SCHIP1: variants seen among roughly 807,000 people sequenced by gnomAD.
SCHIP1 encodes schwannomin interacting protein 1, also known as schwannomin-interacting protein 1.
Under a neutral mutation model 29.7 loss-of-function variants are expected in SCHIP1, and 8 were observed. That is an observed-to-expected ratio of 0.27 (90% confidence interval 0.16 to 0.49). The LOEUF is 0.49. SCHIP1 is among the 20% of genes least tolerant of loss of function. The probability of loss-of-function intolerance (pLI) is 0.99; values close to 1 mark genes in which losing one functional copy is unlikely to be tolerated. For missense variants in SCHIP1, 193 were observed against 294.6 expected, an observed-to-expected ratio of 0.66 and a Z score of 2.52; for synonymous variants, 76 against 94.9, an observed-to-expected ratio of 0.80 and a Z score of 1.16.
At chr3:159,677,178 T>C in the SCHIP1 span, among the ~76,000 whole-genome samples, 1 of 152,154 alleles carries the variant, frequency 6.6e-6, no homozygotes, top group Non-Finnish European at 1.5e-5. Context: ...CCCAATACCC[T>C]AGAATTCCCT....
chr3:159,857,063 T>C (rs1713466201), intron 1 of SCHIP1, among the ~76,000 whole-genome samples: 1 of 152,160 alleles, frequency 6.6e-6, no homozygotes, highest in Non-Finnish European at 1.5e-5. Flanking sequence ...AAAAATCTCT[T>C]CCGCTTTGTG....
chr3:159,426,992 T>C, the SCHIP1 span, among the ~76,000 whole-genome samples: 1 of 152,224 alleles, frequency 6.6e-6, no homozygotes, highest in Non-Finnish European at 1.5e-5. Flanking sequence ...CAATGCTTCA[T>C]GCTAAAAACT....
intron 2 of SCHIP1, among the ~76,000 whole-genome samples, chr3:159,879,109 A>G (rs1716181931): frequency 6.6e-6 from 1 of 151,994 alleles, no homozygotes; most frequent in Non-Finnish European, 1.5e-5. Context: ...ATCTAATGTA[A>G]TAATATTGGA....
At chr3:159,525,786 G>A in the SCHIP1 span, among the ~76,000 whole-genome samples, 5 of 152,198 alleles carry the variant, frequency 3.3e-5, no homozygotes, top group Non-Finnish European at 2.9e-5. Flanking sequence ...TGGGCAGGCC[G>A]AGGGGGAGGC....
chr3:159,657,401 G>C, the SCHIP1 span, among the ~76,000 whole-genome samples: 1 of 152,198 alleles, frequency 6.6e-6, no homozygotes. Context: ...ATTAGATGGT[G>C]ATAATGTACA....
intron 6 of SCHIP1, chr3:159,894,209 C>A (rs1056500251): frequency 5.9e-5 from 9 of 152,200 alleles, no homozygotes; most frequent in South Asian, 2.1e-4. Context: ...TGAGATAATT[C>A]TCACGCACAG....
the SCHIP1 span, among the ~76,000 whole-genome samples, chr3:159,600,989 A>T: frequency 2.0e-5 from 3 of 152,304 alleles, no homozygotes; most frequent in African/African-American, 7.2e-5. Context: ...GCTATTAGTG[A>T]TGAAGTTGTG....
At chr3:159,869,018 T>C (rs538863972) in intron 2 of SCHIP1, among the ~76,000 whole-genome samples, 71 of 152,064 alleles carry the variant, frequency 4.7e-4, no homozygotes, top group Non-Finnish European at 9.6e-4. Flanking sequence ...ATTTTTATTG[T>C]GTATATTAGC....
the SCHIP1 span, among the ~76,000 whole-genome samples, chr3:159,824,102 T>C: frequency 6.6e-6 from 1 of 152,244 alleles, no homozygotes; most frequent in Non-Finnish European, 1.5e-5. Context: ...AATCTTATTT[T>C]TTCAGCATGA....
the SCHIP1 span, chr3:159,273,796 T>G: frequency 6.2e-7 from 1 of 1,612,398 alleles, no homozygotes; most frequent in Non-Finnish European, 8.5e-7. Context: ...CCCTCTCAAA[T>G]GGGCAAGAGT....
the SCHIP1 span, among the ~76,000 whole-genome samples, chr3:159,697,913 T>C: frequency 6.6e-6 from 1 of 152,252 alleles, no homozygotes; most frequent in Admixed American, 6.5e-5. Context: ...CAATTAAAAT[T>C]TGATATATGT....
At chr3:159,516,927 G>A in the SCHIP1 span, among the ~76,000 whole-genome samples, 3 of 152,158 alleles carry the variant, frequency 2.0e-5, no homozygotes, top group Admixed American at 6.5e-5. Flanking sequence ...GGAACTGCAC[G>A]AGATAATCCA....
the SCHIP1 span, among the ~76,000 whole-genome samples, chr3:159,776,332 C>CTTTTTTTTTTTTTTTTTTTTTTTTTTT: frequency 7.4e-6 from 1 of 135,424 alleles, no homozygotes; most frequent in African/African-American, 2.9e-5. Context: ...AGTGTTCTGT[C>CTTTTTTTTTTTTTTTTTTTTTTTTTTT]TTTTTTTTTT....
the SCHIP1 span, among the ~76,000 whole-genome samples, chr3:159,568,132 T>G: frequency 6.6e-6 from 1 of 152,050 alleles, no homozygotes; most frequent in South Asian, 2.1e-4. Flanking sequence ...AGGAATTCAA[T>G]TTTTTATATT....
chr3:159,726,368 A>AT, the SCHIP1 span, among the ~76,000 whole-genome samples: 1 of 152,116 alleles, frequency 6.6e-6, no homozygotes, highest in East Asian at 1.9e-4. Context: ...GAAATGTTGC[A>AT]TTTTTTGGCA....
chr3:159,477,923 T>TTC, the SCHIP1 span, among the ~76,000 whole-genome samples: 217 of 128,288 alleles, frequency 1.7e-3, 1 homozygote, highest in South Asian at 9.4e-3. Context: ...TTTAAATCTT[T>TTC]TTTTTTTTTT....
the SCHIP1 span, among the ~76,000 whole-genome samples, chr3:159,640,005 C>T: frequency 6.6e-6 from 1 of 152,040 alleles, no homozygotes; most frequent in African/African-American, 2.4e-5. Flanking sequence ...TGATTTGTAT[C>T]TTTTTTTCCC....
At chr3:159,279,888 TA>T in the SCHIP1 span, among the ~76,000 whole-genome samples, 9 of 152,154 alleles carry the variant, frequency 5.9e-5, no homozygotes, top group African/African-American at 2.2e-4. Flanking sequence ...TTGGCCTCAG[TA>T]CATTGGATGC....
At chr3:159,360,793 T>G in the SCHIP1 span, among the ~76,000 whole-genome samples, 1 of 152,162 alleles carries the variant, frequency 6.6e-6, no homozygotes, top group Non-Finnish European at 1.5e-5. Flanking sequence ...AACTAAGCTT[T>G]ATTCCATAAT....
Sources: gnomAD v4.1 joint callset for allele counts (sites outside exome capture counted in the v4.1 genomes callset) on GRCh38, gnomAD v4.1.1 for gene constraint, MANE v1.5 for transcripts, NCBI Gene and HGNC (gene_info 2026-07-23, HGNC 2026-07-21) for gene names.